Variants in ZNF710 observed in about 807,000 individuals in gnomAD.
ZNF710 encodes zinc finger protein 710.
A neutral mutation model predicts 50.6 loss-of-function variants in ZNF710; 13 were observed. The observed-to-expected ratio is 0.26, with a 90% CI of 0.17 to 0.41. ZNF710 has a LOEUF of 0.41. Ranked by LOEUF, ZNF710 falls within the 10% of genes least tolerant of loss-of-function variation. ZNF710 has a pLI of 1.00. For missense variants in ZNF710, 721 were observed against 936.6 expected, an observed-to-expected ratio of 0.77 and a Z score of 3.01; for synonymous variants, 383 against 397.0, an observed-to-expected ratio of 0.96 and a Z score of 0.42.
chr15:90,074,255 A>C lies in ZNF710; in HGVS notation c.1790A>C (p.Lys597Thr). ...KGNLSRHMKV[K>T]HGVMDIGLDS... ...AACCTGAGCCGGCACATGAAGGTCAAGCATGGCGTCATGGACATCGGCCTG... is the reference window on the plus strand; with the variant it reads ...AACCTGAGCCGGCACATGAAGGTCACGCATGGCGTCATGGACATCGGCCTG... The change falls in exon 4 of 5, where the codon AAG becomes ACG. Residue 597 changes from lysine to threonine, a missense_variant. Physicochemically the swap from Lys to Thr is moderately conservative, Grantham distance 78. This residue lies in a region of ZNF710 where 326 missense variants were observed against 522.0 expected (regional missense o/e 0.62). Transcript: ENST00000268154. 1 of 1,613,888 alleles carries C rather than the reference A, an allele frequency of 6.2e-7. No individual in the cohort carries two copies. The highest frequency in any genetic ancestry group is 8.5e-7 in the Non-Finnish European group (1 of 1,179,986).
At chr15:90,018,410 C>T (rs954980242) in intron 1 of ZNF710, among the ~76,000 whole-genome samples, 3 of 152,106 alleles carry the variant, frequency 2.0e-5, no homozygotes, top group Admixed American at 6.6e-5. Context: ...TCAGGTGATC[C>T]GCCTACCGTG....
At chr15:90,063,399 A>T (rs1900072106) in intron 1 of ZNF710, among the ~76,000 whole-genome samples, 1 of 151,948 alleles carries the variant, frequency 6.6e-6, no homozygotes, top group African/African-American at 2.4e-5. Context: ...CTAGTATTAA[A>T]TGGCTGACTG....
intron 2 of ZNF710, among the ~76,000 whole-genome samples, chr15:90,069,054 C>G (rs933380855): frequency 6.6e-6 from 1 of 151,882 alleles, no homozygotes; most frequent in Non-Finnish European, 1.5e-5. Context: ...GTGGTGAAAC[C>G]CTGTCTCTAC....
chr15:90,003,063 A>G (rs188715418), intron 1 of ZNF710, among the ~76,000 whole-genome samples: 1 of 152,222 alleles, frequency 6.6e-6, no homozygotes, highest in East Asian at 1.9e-4. Flanking sequence ...TTTAGGAGAG[A>G]CGGGGTTTCA....
chr15:90,058,755 C>CT (rs1899913365), intron 1 of ZNF710, among the ~76,000 whole-genome samples: 1 of 148,746 alleles, frequency 6.7e-6, no homozygotes, highest in Admixed American at 6.6e-5. Context: ...AGAGAGGTCT[C>CT]TTTTAAGGAA....
Position 90,005,481 on chromosome 15 carries a change from A to T in ZNF710, c.-29+3867A>T, listed in dbSNP as rs1440797414. Among the ~76,000 whole-genome samples, 3 of 151,686 alleles carry T rather than the reference A, an allele frequency of 2.0e-5. No individual in the cohort carries two copies. In the East Asian group the frequency reaches 5.8e-4, roughly 29 times the overall value. ...TTTTCTTTTTTTGAGACGGAGTCTCACTCTTTCACCAGGCTGGAGTGCAGT... is the reference window on the plus strand; with the variant it reads ...TTTTCTTTTTTTGAGACGGAGTCTCTCTCTTTCACCAGGCTGGAGTGCAGT... On this transcript the variant is annotated intron_variant, in intron 1 of 4. Transcript: ENST00000268154.
rs759417324 is a variant in ZNF710, at chr15:90,073,172, G to C, written c.1560G>C (p.Gln520His). 3 of 1,614,096 alleles carry C rather than the reference G, an allele frequency of 1.9e-6. No homozygotes were observed. Among genetic ancestry groups the C allele is most frequent in the African/African-American group, 2.7e-5 (2 of 74,938 alleles). ...TCCACACCAGCGTCCGGCCCTACCA[G>C]TGCCACATCTGCTTCAAGACCTTTG... Reference protein sequence around the residue: ...MLIHTSVRPYQCHICFKTFVQ... With the variant: ...MLIHTSVRPYHCHICFKTFVQ... Residue 520 changes from glutamine (Q) to histidine (H), a missense_variant, in exon 3 of 5, where the codon CAG becomes CAC. Coordinates refer to ENST00000268154, the MANE Select transcript of ZNF710 (RefSeq NM_198526.4).
In ZNF710 at chr15:90,067,599, C is replaced by T. The variant is rs373325918; in HGVS notation, c.462C>T (p.Ser154=). 1.6e-4 allele frequency: 255 copies of T among 1,610,268 alleles called. No homozygotes were observed. The African/African-American group carries it at 2.8e-3, about 18-fold the overall frequency. ...SGGCDALVQS[S]AVKMIDLSAF... ...GCTGCGACGCCCTGGTGCAGAGCAG[C>T]GCCGTCAAGATGATCGACCTCAGCG... Residue 154 remains serine (S), a synonymous_variant, in exon 2 of 5, where the codon AGC becomes AGT. Transcript: ENST00000268154. This position sits in a 1 kb window ranked among gnomAD's most constrained non-coding sequence, Gnocchi z 8.1.
At chr15:90,005,594 A>G (rs12324891) in intron 1 of ZNF710, among the ~76,000 whole-genome samples, 18,017 of 152,134 alleles carry the variant, frequency 0.12, 2,400 homozygotes, top group African/African-American at 0.33. Context: ...GACTACAGGC[A>G]TGCGCCACTA....
chr15:90,067,257 C>T lies in ZNF710; in HGVS notation c.120C>T (p.Ala40=), dbSNP rs753541252. The T allele has an allele frequency of 2.6e-5, 42 of 1,613,142 alleles. No homozygotes were observed. Among genetic ancestry groups the T allele is most frequent in the Non-Finnish European group, 3.3e-5 (39 of 1,179,840 alleles). The change falls in exon 2 of 5, where the codon GCC becomes GCT. Residue 40 remains alanine, a synonymous_variant. Coordinates refer to ENST00000268154, the MANE Select transcript of ZNF710 (RefSeq NM_198526.4). The surrounding 1 kb of genome is among the most constrained non-coding windows in gnomAD (Gnocchi z 8.1). ...AGCTCTTTGGAGCTACCATAAGCGCCGAGGCCTTCTACCCGGACCTGGGGC... is the reference window on the plus strand; with the variant it reads ...AGCTCTTTGGAGCTACCATAAGCGCTGAGGCCTTCTACCCGGACCTGGGGC... ...ENELFGATIS[A]EAFYPDLGPE... is the part of the protein sequence containing the mutation.
intron 1 of ZNF710, among the ~76,000 whole-genome samples, chr15:90,011,326 C>T (rs1898297871): frequency 6.6e-6 from 1 of 152,196 alleles, no homozygotes; most frequent in Non-Finnish European, 1.5e-5. Flanking sequence ...CCAGGCTGGT[C>T]TCGAACTCCT....
intron 4 of ZNF710, 93 bp from the exon 5 acceptor site, chr15:90,079,567 C>A: frequency 6.7e-7 from 1 of 1,500,128 alleles, no homozygotes; most frequent in Non-Finnish European, 9.1e-7. Context: ...CTGGGAAGCC[C>A]TCTCTTTAGA....
intron 1 of ZNF710, among the ~76,000 whole-genome samples, chr15:90,026,266 C>CAAAAA (rs373675360): frequency 6.1e-5 from 7 of 114,618 alleles, no homozygotes; most frequent in African/African-American, 1.3e-4. Flanking sequence ...ACAACAACAA[C>CAAAAA]AACAAAAAAA....
intron 1 of ZNF710, among the ~76,000 whole-genome samples, chr15:90,049,986 G>C (rs1899588485): frequency 6.6e-6 from 1 of 152,212 alleles, no homozygotes; most frequent in African/African-American, 2.4e-5. Context: ...TCATTGTTAG[G>C]TGACTGAGGA....
chr15:90,067,437 G>A lies in ZNF710; in HGVS notation c.300G>A (p.Arg100=), dbSNP rs758520368. The A allele has an allele frequency of 2.5e-6, 4 of 1,608,428 alleles. No individual in the cohort carries two copies. Among genetic ancestry groups the A allele is most frequent in the Non-Finnish European group, 3.4e-6 (4 of 1,177,310 alleles). ...ACEKHTRRKT[R]PPVRLVPKVK... is the part of the protein sequence containing the mutation. The stretch of plus-strand genomic sequence containing the variant: ...AGAAGCACACCCGGCGGAAGACGCG[G>A]CCACCTGTGCGGTTGGTGCCCAAGG... The change falls in exon 2 of 5, where the codon CGG becomes CGA. Residue 100 remains arginine, a synonymous_variant. Transcript: ENST00000268154. The surrounding 1 kb of genome is among the most constrained non-coding windows in gnomAD (Gnocchi z 8.1).
At chr15:90,000,986 GAAAA>G (rs1008052330), upstream of ZNF710, among the ~76,000 whole-genome samples, 1 of 140,810 alleles carries the variant, frequency 7.1e-6, no homozygotes, top group Non-Finnish European at 1.5e-5. Flanking sequence ...GCTGAGAGGA[GAAAA>G]AAAAAAGAGA....
intron 1 of ZNF710, among the ~76,000 whole-genome samples, chr15:90,031,030 A>AAAAC (rs1263269311): frequency 3.3e-5 from 5 of 149,326 alleles, no homozygotes; most frequent in Non-Finnish European, 7.4e-5. Context: ...AAAAAAAAGA[A>AAAAC]AAAAAAAAAA....
chr15:90,044,060 G>A (rs1899383510), intron 1 of ZNF710, among the ~76,000 whole-genome samples: 1 of 152,164 alleles, frequency 6.6e-6, no homozygotes, highest in Non-Finnish European at 1.5e-5. Context: ...TGCTCTAAAT[G>A]TGTAAAACAA....
chr15:90,018,960 G>A (rs1012309032), intron 1 of ZNF710, among the ~76,000 whole-genome samples: 7 of 151,312 alleles, frequency 4.6e-5, no homozygotes, highest in Admixed American at 6.6e-5. Context: ...CTTGGATCTT[G>A]TATCTCTTCC....
Sources: allele counts gnomAD v4.1 joint callset (sites outside exome capture counted in the v4.1 genomes callset), GRCh38; gene constraint gnomAD v4.1.1; regional missense constraint gnomAD v4.1.1; non-coding constraint Gnocchi (gnomAD v3.1); transcripts MANE v1.5; gene names NCBI Gene and HGNC (gene_info 2026-07-23, HGNC 2026-07-21).